MYT1L: variants seen among roughly 807,000 people sequenced by gnomAD.
MYT1L encodes myelin transcription factor 1-like protein.
A neutral mutation model predicts 126.7 loss-of-function variants in MYT1L; 12 were observed. The observed-to-expected ratio is 0.09, with a 90% CI of 0.06 to 0.15. The LOEUF (loss-of-function observed/expected upper bound fraction) is 0.15. MYT1L is among the 10% of genes least tolerant of loss of function. The probability of loss-of-function intolerance (pLI) is 1.00; values close to 1 mark genes in which losing one functional copy is unlikely to be tolerated. For synonymous variants in MYT1L, 541 were observed against 604.2 expected, an observed-to-expected ratio of 0.90 and a Z score of 1.53; for missense variants, 979 against 1,585.2, an observed-to-expected ratio of 0.62 and a Z score of 6.49.
intron 4 of MYT1L, among the ~76,000 whole-genome samples, chr2:2,013,566 T>A (rs150862257): frequency 1.8e-4 from 28 of 152,360 alleles, no homozygotes; most frequent in African/African-American, 6.0e-4. Flanking sequence ...GTTGCCATGC[T>A]CAGAATTCCG....
intron 2 of MYT1L, among the ~76,000 whole-genome samples, chr2:2,281,773 G>A (rs1320943387): frequency 6.6e-6 from 1 of 152,114 alleles, no homozygotes; most frequent in African/African-American, 2.4e-5. Flanking sequence ...CTCTCCAGAG[G>A]CTGAAAGTAA....
At chr2:2,233,307 C>CCAAAAA (rs1231498789) in intron 2 of MYT1L, among the ~76,000 whole-genome samples, 17 of 152,134 alleles carry the variant, frequency 1.1e-4, no homozygotes, top group African/African-American at 4.1e-4. Flanking sequence ...AAGCAGAGCA[C>CCAAAAA]GGGGCGCCGG....
chr2:2,242,781 A>C (rs1269933835), intron 2 of MYT1L, among the ~76,000 whole-genome samples: 1 of 152,232 alleles, frequency 6.6e-6, no homozygotes, highest in African/African-American at 2.4e-5. Context: ...CACAATATGA[A>C]GTCGAATATG....
chr2:2,269,067 G>T (rs1325676418), intron 2 of MYT1L, among the ~76,000 whole-genome samples: 1 of 152,148 alleles, frequency 6.6e-6, no homozygotes, highest in African/African-American at 2.4e-5. Context: ...TCTCCTGTGT[G>T]TGGGGTGCAC....
chr2:1,953,195 T>G (rs1374555274), intron 8 of MYT1L, among the ~76,000 whole-genome samples: 1 of 152,138 alleles, frequency 6.6e-6, no homozygotes, highest in African/African-American at 2.4e-5. Flanking sequence ...ACTCCTGGGC[T>G]CAAGTGATCC....
At chr2:1,966,775 G>GA (rs11443833) in intron 8 of MYT1L, among the ~76,000 whole-genome samples, 47,933 of 145,566 alleles carry the variant, frequency 0.33, 8,711 homozygotes, top group African/African-American at 0.52. Flanking sequence ...AATGTTAAGT[G>GA]AAAAAAAAAA....
chr2:2,240,654 T>C (rs2094421534), intron 2 of MYT1L, among the ~76,000 whole-genome samples: 2 of 152,366 alleles, frequency 1.3e-5, no homozygotes, highest in African/African-American at 4.8e-5. Flanking sequence ...ACTGGAATTA[T>C]ATTATTTGAA....
chr2:2,223,006 T>C (rs557217816), intron 2 of MYT1L, among the ~76,000 whole-genome samples: 6 of 152,282 alleles, frequency 3.9e-5, no homozygotes, highest in African/African-American at 1.2e-4. Flanking sequence ...CAAATACATA[T>C]AATAACAAGC....
At chr2:1,897,166 AAAAAT>A (rs1315185694) in intron 14 of MYT1L, among the ~76,000 whole-genome samples, 2 of 152,248 alleles carry the variant, frequency 1.3e-5, no homozygotes, top group African/African-American at 4.8e-5. Context: ...AAACAAAAAT[AAAAAT>A]AAGAGGGCCT....
intron 18 of MYT1L, among the ~76,000 whole-genome samples, chr2:1,867,879 G>C (rs142428464): frequency 6.6e-6 from 1 of 152,154 alleles, no homozygotes; most frequent in African/African-American, 2.4e-5. Context: ...ATGGCGGGAG[G>C]GTGGGGCTGC....
intron 3 of MYT1L, among the ~76,000 whole-genome samples, chr2:2,061,914 G>A (rs2070565131): frequency 6.6e-6 from 1 of 152,158 alleles, no homozygotes; most frequent in Non-Finnish European, 1.5e-5. Flanking sequence ...TACCATCCCT[G>A]TCTTACTTCC....
At chr2:2,169,278 ACTCTGCAGGTTGTG>A (rs1267018301) in intron 3 of MYT1L, among the ~76,000 whole-genome samples, 2 of 152,034 alleles carry the variant, frequency 1.3e-5, no homozygotes, top group African/African-American at 4.8e-5. Flanking sequence ...GTAGGAGCAC[ACTCTGCAGGTTGTG>A]TTTCCGCTCT....
intron 9 of MYT1L, among the ~76,000 whole-genome samples, chr2:1,939,183 C>T (rs564768273): frequency 6.6e-6 from 1 of 152,238 alleles, no homozygotes; most frequent in Non-Finnish European, 1.5e-5. Flanking sequence ...GGGAGTCACA[C>T]TCCGCTCTGT....
chr2:2,159,645 G>A (rs2087489450), intron 3 of MYT1L, among the ~76,000 whole-genome samples: 1 of 152,024 alleles, frequency 6.6e-6, no homozygotes, highest in Non-Finnish European at 1.5e-5. Flanking sequence ...AGGGGGCGTG[G>A]ATCCCCCTGG....
chr2:2,017,201 C>T (rs1472072397), intron 4 of MYT1L, among the ~76,000 whole-genome samples: 1 of 152,238 alleles, frequency 6.6e-6, no homozygotes, highest in Admixed American at 6.5e-5. Context: ...GCTTATCGCA[C>T]TGGTGAGGCC....
intron 4 of MYT1L, among the ~76,000 whole-genome samples, chr2:2,027,486 C>T (rs936276120): frequency 2.6e-5 from 4 of 152,214 alleles, no homozygotes; most frequent in African/African-American, 7.2e-5. Flanking sequence ...GGATGATGTA[C>T]TGACCGGATT....
chr2:2,191,512 C>T (rs528578882), intron 2 of MYT1L, among the ~76,000 whole-genome samples: 1 of 152,308 alleles, frequency 6.6e-6, no homozygotes, highest in Non-Finnish European at 1.5e-5. Context: ...CAGCAGGGAC[C>T]TCAGCATCCT....
chr2:1,951,162 A>C (rs552520440), intron 8 of MYT1L, among the ~76,000 whole-genome samples: 1 of 152,072 alleles, frequency 6.6e-6, no homozygotes. Flanking sequence ...GTGGTTGCTA[A>C]ATTTGAGGTG....
chr2:1,922,685 G>A lies in MYT1L; in HGVS notation c.1084C>T (p.Arg362Trp), dbSNP rs755840798. The change falls in exon 10 of 25, where the codon CGG becomes TGG. Residue 362 changes from arginine to tryptophan, a missense_variant. This residue lies in a region of MYT1L where 243 missense variants were observed against 363.9 expected (regional missense o/e 0.67). Transcript: ENST00000647738. This position sits in a 1 kb window ranked among gnomAD's most constrained non-coding sequence, Gnocchi z 7.4. ...QQNMNIRQHVRPEEDFPGRTP... is the reference protein window; with the variant it reads ...QQNMNIRQHVWPEEDFPGRTP... ...CTTCCGGGGAAGTCCTCTTCTGGCC[G>A]GACATGCTGACGGATGTTCATGTTC... The A allele has an allele frequency of 3.1e-6, 5 of 1,613,696 alleles. No homozygotes were observed. In the South Asian group the frequency reaches 4.4e-5, roughly 14 times the overall value.
Sources: allele counts gnomAD v4.1 joint callset (sites outside exome capture counted in the v4.1 genomes callset), GRCh38; gene constraint gnomAD v4.1.1; regional missense constraint gnomAD v4.1.1; non-coding constraint Gnocchi (gnomAD v3.1); transcripts MANE v1.5; gene names NCBI Gene and HGNC (gene_info 2026-07-23, HGNC 2026-07-21).